ORC5: variants seen among roughly 807,000 people sequenced by gnomAD.
The protein encoded by ORC5 is origin recognition complex subunit 5.
In ORC5, 39 loss-of-function variants were observed where a neutral mutation model predicts 58.8. The ratio of observed to expected loss-of-function variants is 0.66; its 90% CI spans 0.51 to 0.87. The LOEUF is 0.87. Ranked by LOEUF, ORC5 falls within the 40% of genes least tolerant of loss-of-function variation. ORC5 has a pLI of 0.00. For synonymous variants in ORC5, 218 were observed against 177.6 expected (o/e 1.23, Z -1.81); for missense variants, 493 against 506.3 (o/e 0.97, Z 0.25).
chr7:104,185,554 C>A (rs12705191), intron 6 of ORC5, among the ~76,000 whole-genome samples: 1 of 151,886 alleles, frequency 6.6e-6, no homozygotes, highest in East Asian at 1.9e-4. Context: ...GCACTACCTG[C>A]GATTGTTATA....
chr7:104,159,472 T>TATA (rs370976743), intron 12 of ORC5, among the ~76,000 whole-genome samples: 2 of 144,238 alleles, frequency 1.4e-5, no homozygotes, highest in African/African-American at 5.2e-5. Flanking sequence ...AAACTTAAAG[T>TATA]ATAATAATAA....
rs2307408 is a variant in ORC5 at position 104,184,183 on chromosome 7, GA to G, written c.685-13del. On this transcript the variant is annotated splice_polypyrimidine_tract_variant and intron_variant, in intron 6 of 13. Coordinates refer to ENST00000297431, the MANE Select transcript of ORC5 (RefSeq NM_002553.4). Reference sequence around the variant, plus strand: ...AAATTAAGTACTGCCTGTAAGTAAAGAAAAAAAAAGAGAAGAAAAAAAGCAC... The same window carrying G: ...AAATTAAGTACTGCCTGTAAGTAAAGAAAAAAAAGAGAAGAAAAAAAGCAC... The G allele has an allele frequency of 8.6e-5, 122 of 1,426,720 alleles. No homozygotes were observed. In the East Asian group the frequency reaches 8.6e-4, roughly 10 times the overall value. 88.4% of individuals were successfully genotyped at this position (1,426,720 alleles called of 1,614,324 possible).
intron 13 of ORC5, among the ~76,000 whole-genome samples, chr7:104,135,083 G>A (rs960877987): frequency 5.9e-5 from 9 of 152,034 alleles, no homozygotes; most frequent in African/African-American, 2.2e-4. Flanking sequence ...ACTAAGTAAC[G>A]TCAAATTAAG....
Position 104,207,862 on chromosome 7 carries a change from C to A in ORC5, c.43G>T (p.Val15Leu). ...ENVVLCRESQ[V>L]SILQSLFGER... is the part of the protein sequence containing the mutation. ...CCAAACAAGGACTGCAAGATGGACACTTGAGACTCGCGACAAAGCACCACG... is the reference window on the plus strand; with the variant it reads ...CCAAACAAGGACTGCAAGATGGACAATTGAGACTCGCGACAAAGCACCACG... Residue 15 changes from valine (V) to leucine (L), a missense_variant, in exon 1 of 14, where the codon GTG (valine) becomes TTG (leucine). Physicochemically the swap from Val to Leu is conservative, Grantham distance 32. Coordinates refer to ENST00000297431, the MANE Select transcript of ORC5 (RefSeq NM_002553.4). 6.2e-7 allele frequency: 1 copy of A among 1,614,226 alleles called. No homozygotes were observed. Among genetic ancestry groups the A allele is most frequent in the Non-Finnish European group, 8.5e-7 (1 of 1,180,036 alleles).
intron 3 of ORC5, among the ~76,000 whole-genome samples, chr7:104,199,330 C>A (rs1339262482): frequency 6.6e-6 from 1 of 152,238 alleles, no homozygotes; most frequent in Non-Finnish European, 1.5e-5. Flanking sequence ...CTGTACCCCG[C>A]AAAGCCACAG....
At chr7:104,178,887 A>AT (rs772832178) in intron 8 of ORC5, among the ~76,000 whole-genome samples, 5 of 151,896 alleles carry the variant, frequency 3.3e-5, no homozygotes, top group Non-Finnish European at 5.9e-5. Context: ...CATAAGATGT[A>AT]TTTTTAATGA....
At chr7:104,143,910 G>A (rs1309324387) in intron 12 of ORC5, among the ~76,000 whole-genome samples, 2 of 152,120 alleles carry the variant, frequency 1.3e-5, no homozygotes. Context: ...CTTGAGGCCA[G>A]GAGTTTCAGA....
rs1312133333 is a variant in ORC5 at position 104,207,970 on chromosome 7, T to G, written c.-66A>C. On this transcript the variant is annotated 5_prime_UTR_variant, in exon 1 of 14. Coordinates refer to ENST00000297431, the MANE Select transcript of ORC5 (RefSeq NM_002553.4). ...CAGGACCCTTGCACAAGACGGAGCC[T>G]CTCCCGAGTCTGGCGGCCCACGCTC... The G allele has an allele frequency of 3.5e-6, 5 of 1,445,354 alleles. No homozygotes were observed. In the African/African-American group the frequency reaches 4.3e-5, roughly 12 times the overall value. The allele number at this position is 1,445,354 out of a possible 1,614,324, so 89.5% of individuals were successfully genotyped here. A position where few individuals can be genotyped will look rare whatever the true frequency, so the allele number is the denominator to read the frequency against.
chr7:104,130,961 T>TA (rs1798503834), intron 13 of ORC5, among the ~76,000 whole-genome samples: 1 of 152,210 alleles, frequency 6.6e-6, no homozygotes, highest in African/African-American at 2.4e-5. Flanking sequence ...CCACTGAACT[T>TA]ACCTGGCAAA....
At chr7:104,167,030 T>C (rs902413272) in intron 9 of ORC5, 146 bp from the exon 10 acceptor site, 6 of 569,194 alleles carry the variant, frequency 1.1e-5, no homozygotes, top group Middle Eastern at 4.6e-4. Context: ...ATGATAATGA[T>C]GGTCGTGGTG....
At chr7:104,168,765 T>C (rs554716282) in intron 8 of ORC5, among the ~76,000 whole-genome samples, 18 of 152,300 alleles carry the variant, frequency 1.2e-4, no homozygotes, top group Non-Finnish European at 1.5e-5. Flanking sequence ...TCTTTTACTA[T>C]GATGACTGTT....
At chr7:104,146,272 T>A (rs1441299133) in intron 12 of ORC5, among the ~76,000 whole-genome samples, 1 of 152,178 alleles carries the variant, frequency 6.6e-6, no homozygotes, top group African/African-American at 2.4e-5. Flanking sequence ...CTTATAAAAC[T>A]AAGCAGGCAA....
intron 11 of ORC5, among the ~76,000 whole-genome samples, chr7:104,162,116 G>C (rs1799035248): frequency 6.6e-6 from 1 of 152,094 alleles, no homozygotes; most frequent in African/African-American, 2.4e-5. Flanking sequence ...CATGTCATCA[G>C]AAACGAGACA....
intron 13 of ORC5, among the ~76,000 whole-genome samples, chr7:104,131,506 A>C (rs1798511515): frequency 1.3e-5 from 2 of 152,204 alleles, no homozygotes; most frequent in South Asian, 4.1e-4. Flanking sequence ...TCAAATCTTT[A>C]AAAAATAAAT....
At chr7:104,180,180 T>C (rs888976585) in intron 8 of ORC5, among the ~76,000 whole-genome samples, 1 of 152,232 alleles carries the variant, frequency 6.6e-6, no homozygotes, top group African/African-American at 2.4e-5. Flanking sequence ...ACATTCTTCC[T>C]GTGTCTGATT....
At position 104,138,360 on chromosome 7, in the gene ORC5, CAG is replaced by C. The variant is rs1468547144; in HGVS notation, c.1150-1469_1150-1468del. On this transcript the variant is annotated intron_variant, in intron 12 of 13. Transcript: ENST00000297431. This position sits in a 1 kb window ranked among gnomAD's most constrained non-coding sequence, Gnocchi z 4.7. ...TTACAGAATATCTATCTAAATAACTCAGAATATAAAATCTATACTCCTTTGGG... is the reference window on the plus strand; with the variant it reads ...TTACAGAATATCTATCTAAATAACTCAATATAAAATCTATACTCCTTTGGG... 3.9e-5 allele frequency among the ~76,000 whole-genome samples: 6 copies of C among 152,136 alleles called. No homozygotes were observed. Among genetic ancestry groups the C allele is most frequent in the Non-Finnish European group, 8.8e-5 (6 of 68,024 alleles).
rs951279355 is a variant in ORC5, at chr7:104,133,210, T to C, written c.1262+3571A>G. ...TTATAAAATCATTCTGGCTACAGCA[T>C]GGATAATAAATTATAAGAGGATAAG... On this transcript the variant is annotated intron_variant, in intron 13 of 13. Transcript: ENST00000297431. This position sits in a 1 kb window ranked among gnomAD's most constrained non-coding sequence, Gnocchi z 4.7. 7.2e-5 allele frequency among the ~76,000 whole-genome samples: 11 copies of C among 152,146 alleles called. No individual in the cohort carries two copies. The highest frequency in any genetic ancestry group is 4.1e-4 in the South Asian group (2 of 4,822).
chr7:104,160,167 T>G lies in ORC5; in HGVS notation c.1149+905A>C, dbSNP rs188528349. Among the ~76,000 whole-genome samples the G allele has an allele frequency of 1.4e-3, 208 of 152,262 alleles. 4 individuals carry two copies. Among genetic ancestry groups the G allele is most frequent in the Admixed American group, 7.1e-3 (108 of 15,290 alleles). On this transcript the variant is annotated intron_variant, in intron 12 of 13. Coordinates refer to ENST00000297431, the MANE Select transcript of ORC5 (RefSeq NM_002553.4). ...CATGCTGACTTTTATAAAAACTATC[T>G]AAATTCAATGTTGAGAAAATTGAGA... is the stretch of plus-strand genomic sequence containing the variant.
Position 104,184,156 on chromosome 7 carries a change from G to A in ORC5, c.700C>T (p.Pro234Ser), listed in dbSNP as rs201838712. ...TTAACCACGGGTTCACAATATTTAG[G>A]AAAATTAAGTACTGCCTGTAAGTAA... ...ELRHLAVLNF[P>S]KYCEPVVKGE... is the part of the protein sequence containing the mutation. The change falls in exon 7 of 14, where the codon CCT becomes TCT. Residue 234 changes from proline (P) to serine (S), a missense_variant. Around this residue, in one of 3 missense-constraint regions of ORC5, gnomAD observed 412 missense variants for 403.7 expected, o/e 1.02. Coordinates refer to ENST00000297431, the MANE Select transcript of ORC5 (RefSeq NM_002553.4). 34 of 1,568,048 alleles carry A rather than the reference G, an allele frequency of 2.2e-5. No individual in the cohort carries two copies. The East Asian group carries it at 7.0e-4, about 32-fold the overall frequency.
Sources: gnomAD v4.1 joint callset for allele counts (sites outside exome capture counted in the v4.1 genomes callset) on GRCh38, gnomAD v4.1.1 for gene constraint, gnomAD v4.1.1 regional missense constraint, Gnocchi (gnomAD v3.1) non-coding constraint, MANE v1.5 for transcripts, NCBI Gene and HGNC (gene_info 2026-07-23, HGNC 2026-07-21) for gene names.